The following NPAS3 variants were observed in gnomAD, a reference collection of about 807,000 sequenced individuals.
NPAS3 encodes neuronal PAS domain protein 3, also known as neuronal PAS domain-containing protein 3.
In NPAS3, 14 loss-of-function variants were observed where a neutral mutation model predicts 73.1. The ratio of observed to expected loss-of-function variants is 0.19; its 90% CI spans 0.13 to 0.30. NPAS3 has a LOEUF of 0.30. NPAS3 is among the 10% of genes least tolerant of loss of function. The pLI is 1.00. For missense variants in NPAS3, 1,096 were observed against 1,250.0 expected (o/e 0.88, Z 1.86); for synonymous variants, 620 against 541.5 (o/e 1.14, Z -2.01).
intron 4 of NPAS3, among the ~76,000 whole-genome samples, chr14:33,489,698 T>C (rs2051794201): frequency 6.6e-6 from 1 of 152,208 alleles, no homozygotes; most frequent in Non-Finnish European, 1.5e-5. Flanking sequence ...CAGATATGAA[T>C]GCTGCTGTTT....
chr14:33,347,378 G>A (rs2044791597), intron 3 of NPAS3, among the ~76,000 whole-genome samples: 1 of 152,192 alleles, frequency 6.6e-6, no homozygotes, highest in Non-Finnish European at 1.5e-5. Context: ...AATAAGAATA[G>A]TCATCACAAA....
chr14:33,246,890 T>C (rs1476988145), intron 3 of NPAS3, among the ~76,000 whole-genome samples: 1 of 137,606 alleles, frequency 7.3e-6, no homozygotes, highest in Non-Finnish European at 1.5e-5. Flanking sequence ...GGTGGGTGCC[T>C]GTAATCCCAG....
At chr14:33,675,451 G>C (rs1477194779) in intron 5 of NPAS3, among the ~76,000 whole-genome samples, 1 of 152,132 alleles carries the variant, frequency 6.6e-6, no homozygotes, top group African/African-American at 2.4e-5. Context: ...GAGTTAGTTA[G>C]AGAGTTAGCC....
At chr14:33,195,261 T>G (rs1012526977) in intron 2 of NPAS3, among the ~76,000 whole-genome samples, 6 of 152,132 alleles carry the variant, frequency 3.9e-5, no homozygotes, top group Non-Finnish European at 7.4e-5. Context: ...AAAGGGTTTT[T>G]TTTTGTTTTG....
intron 4 of NPAS3, among the ~76,000 whole-genome samples, chr14:33,397,052 C>T (rs2047255284): frequency 6.6e-6 from 1 of 152,032 alleles, no homozygotes; most frequent in Admixed American, 6.6e-5. Flanking sequence ...GCCTGTCTAT[C>T]AAATCCATGG....
At chr14:33,186,852 G>T (rs969812838) in intron 2 of NPAS3, among the ~76,000 whole-genome samples, 2 of 152,116 alleles carry the variant, frequency 1.3e-5, no homozygotes, top group Non-Finnish European at 2.9e-5. Context: ...GGAATATTTA[G>T]TCATCTCTGG....
chr14:33,121,733 A>G (rs1448325763), intron 2 of NPAS3, among the ~76,000 whole-genome samples: 1 of 152,150 alleles, frequency 6.6e-6, no homozygotes, highest in Non-Finnish European at 1.5e-5. Flanking sequence ...AGACACAGAA[A>G]GTAGGGTATG....
chr14:33,651,150 C>T (rs1487460698), intron 5 of NPAS3, among the ~76,000 whole-genome samples: 1 of 152,206 alleles, frequency 6.6e-6, no homozygotes, highest in African/African-American at 2.4e-5. Flanking sequence ...ATCATCACAC[C>T]TCCTACAACT....
At chr14:33,504,960 G>C (rs953669876) in intron 4 of NPAS3, among the ~76,000 whole-genome samples, 2 of 152,004 alleles carry the variant, frequency 1.3e-5, no homozygotes, top group Non-Finnish European at 2.9e-5. Context: ...AAATGAATGG[G>C]AGAACATATG....
At position 32,957,597 on chromosome 14, in the gene NPAS3, C is replaced by T. The variant is rs189206112; in HGVS notation, c.50+18231C>T. ...CTGTGTTAGCCAGGATGGTCTTGAT[C>T]TCCTGACCTGGTGATCCGCCTGCCT... is the stretch of plus-strand genomic sequence containing the variant. On this transcript the variant is annotated intron_variant, in intron 1 of 11. Coordinates refer to ENST00000356141, the Ensembl canonical transcript of NPAS3. Among the ~76,000 whole-genome samples, 12 of 152,174 alleles carry T rather than the reference C, an allele frequency of 7.9e-5. No individual in the cohort carries two copies. In the East Asian group the frequency reaches 1.4e-3, roughly 17 times the overall value.
rs1012508290 is a variant in NPAS3, at chr14:33,473,005, A to G, written c.469-87116A>G. Among the ~76,000 whole-genome samples, 6 of 143,460 alleles carry G rather than the reference A, an allele frequency of 4.2e-5. 2 individuals carry two copies. The highest frequency in any genetic ancestry group is 1.8e-4 in the African/African-American group (6 of 33,288). 94.1% of individuals were successfully genotyped at this position (143,460 alleles called of 152,430 possible). On this transcript the variant is annotated intron_variant, in intron 4 of 11. Coordinates refer to ENST00000356141, the Ensembl canonical transcript of NPAS3. ...CTAAACGGAAATTTCCTGCGGGGGG[A>G]ACTGTAAGCATGTTTGCTTGAGCTT... is the stretch of plus-strand genomic sequence containing the variant.
chr14:33,073,384 G>T (rs76856134), intron 2 of NPAS3, among the ~76,000 whole-genome samples: 3,009 of 152,262 alleles, frequency 0.02, 94 homozygotes, highest in African/African-American at 0.069. Flanking sequence ...GCAGATACAT[G>T]TGGAGTTAAA....
At chr14:33,440,562 G>T (rs2049200050) in intron 4 of NPAS3, among the ~76,000 whole-genome samples, 1 of 152,154 alleles carries the variant, frequency 6.6e-6, no homozygotes, top group African/African-American at 2.4e-5. Context: ...AAGTTTGAAA[G>T]ACGTGATTCT....
At chr14:33,790,053 C>T (rs2063311813) in intron 9 of NPAS3, among the ~76,000 whole-genome samples, 1 of 152,180 alleles carries the variant, frequency 6.6e-6, no homozygotes, top group Non-Finnish European at 1.5e-5. Context: ...GGTACCTAGA[C>T]CATATGACAA....
intron 2 of NPAS3, among the ~76,000 whole-genome samples, chr14:33,172,554 G>A (rs960043463): frequency 5.5e-4 from 83 of 152,190 alleles, no homozygotes; most frequent in African/African-American, 2.0e-3. Flanking sequence ...TGGGCAACAT[G>A]GTGAAAACCC....
At chr14:33,580,083 T>C (rs571358901) in intron 5 of NPAS3, among the ~76,000 whole-genome samples, 1 of 152,230 alleles carries the variant, frequency 6.6e-6, no homozygotes, top group Non-Finnish European at 1.5e-5. Flanking sequence ...TTGAAGCTAC[T>C]GTCACAATGT....
At chr14:33,517,679 T>C (rs888019867) in intron 4 of NPAS3, among the ~76,000 whole-genome samples, 1 of 152,038 alleles carries the variant, frequency 6.6e-6, no homozygotes, top group South Asian at 2.1e-4. Context: ...TCTTTGTGCT[T>C]TCGTCATGCC....
chr14:33,777,741 G>T (rs2062866394), intron 8 of NPAS3, among the ~76,000 whole-genome samples: 1 of 152,154 alleles, frequency 6.6e-6, no homozygotes. Context: ...ATTTTTCCAT[G>T]CTCTGCCTGA....
intron 3 of NPAS3, among the ~76,000 whole-genome samples, chr14:33,285,384 G>C (rs2041831564): frequency 6.6e-6 from 1 of 152,150 alleles, no homozygotes; most frequent in Non-Finnish European, 1.5e-5. Context: ...AGATGACCTG[G>C]AGAATAGACA....
Sources: allele counts gnomAD v4.1 joint callset (sites outside exome capture counted in the v4.1 genomes callset), GRCh38; gene constraint gnomAD v4.1.1; transcripts MANE v1.5; gene names NCBI Gene and HGNC (gene_info 2026-07-23, HGNC 2026-07-21).